Variants in ASXL2 observed in about 807,000 individuals in gnomAD.
ASXL2 encodes ASXL transcriptional regulator 2, also known as putative Polycomb group protein ASXL2.
In ASXL2, 23 loss-of-function variants were observed where a neutral mutation model predicts 122.0. That is an observed-to-expected ratio of 0.19 (90% confidence interval 0.14 to 0.27). The LOEUF (loss-of-function observed/expected upper bound fraction) is 0.27. ASXL2 is among the 10% of genes least tolerant of loss of function. The probability of loss-of-function intolerance (pLI) is 1.00; values close to 1 mark genes in which losing one functional copy is unlikely to be tolerated. For missense variants in ASXL2, 1,518 were observed against 1,713.8 expected (o/e 0.89, Z 2.02); for synonymous variants, 650 against 637.0 (o/e 1.02, Z -0.31).
chr2:25,866,230 A>C (rs2089902846), intron 1 of ASXL2, among the ~76,000 whole-genome samples: 1 of 151,076 alleles, frequency 6.6e-6, no homozygotes. Flanking sequence ...TCCTGGGTTC[A>C]AGCGATTCTC....
chr2:25,815,217 C>T (rs1225987703), intron 3 of ASXL2, among the ~76,000 whole-genome samples: 1 of 152,146 alleles, frequency 6.6e-6, no homozygotes, highest in African/African-American at 2.4e-5. Flanking sequence ...TCATAATGTT[C>T]TTAGTATAAA....
chr2:25,741,917 A>T lies in ASXL2; in HGVS notation c.*112T>A, dbSNP rs1217902298. The T allele has an allele frequency of 9.6e-7, 1 of 1,040,666 alleles. No individual in the cohort carries two copies. The highest frequency in any genetic ancestry group is 1.4e-6 in the Non-Finnish European group (1 of 714,672). The allele number at this position is 1,040,666 out of a possible 1,614,324, so 64.5% of individuals were successfully genotyped here. A position where few individuals can be genotyped will look rare whatever the true frequency, so the allele number is the denominator to read the frequency against. Reference sequence around the variant, plus strand: ...CCTGATTAAGTAACATTTGTCTCTGAAGACAACTGAAACCTACTTGTTTAT... The same window carrying T: ...CCTGATTAAGTAACATTTGTCTCTGTAGACAACTGAAACCTACTTGTTTAT... On this transcript the variant is annotated 3_prime_UTR_variant, in exon 13 of 13. Coordinates refer to ENST00000435504, the MANE Select transcript of ASXL2 (RefSeq NM_018263.6).
At chr2:25,843,814 T>TAAAAAAAAAAAAAAAAAA (rs541446675) in intron 2 of ASXL2, among the ~76,000 whole-genome samples, 15 of 86,498 alleles carry the variant, frequency 1.7e-4, no homozygotes, top group South Asian at 3.8e-4. Flanking sequence ...CTCCATCTCT[T>TAAAAAAAAAAAAAAAAAA]AAAAAAAAAA....
intron 3 of ASXL2, among the ~76,000 whole-genome samples, chr2:25,833,534 A>G (rs974943992): frequency 4.6e-5 from 7 of 152,052 alleles, no homozygotes; most frequent in African/African-American, 1.7e-4. Context: ...ATCTCTATTA[A>G]AAATACAAAA....
At chr2:25,843,328 G>A (rs1383658761) in intron 2 of ASXL2, among the ~76,000 whole-genome samples, 1 of 150,052 alleles carries the variant, frequency 6.7e-6, no homozygotes, top group Non-Finnish European at 1.5e-5. Context: ...AAATAGAGAC[G>A]GGGTTTTACC....
At chr2:25,849,884 G>C (rs2149195443) in intron 1 of ASXL2, among the ~76,000 whole-genome samples, 1 of 152,114 alleles carries the variant, frequency 6.6e-6, no homozygotes, top group Admixed American at 6.5e-5. Flanking sequence ...AATTTTTTCA[G>C]ACTACTTAAA....
At chr2:25,753,746 G>C in intron 10 of ASXL2, 107 bp from the exon 11 acceptor site, 2 of 808,312 alleles carry the variant, frequency 2.5e-6, no homozygotes, top group South Asian at 3.4e-5. Flanking sequence ...ACTACCATGT[G>C]AAAGTAACAG....
At chr2:25,856,107 A>G (rs1345930493) in intron 1 of ASXL2, among the ~76,000 whole-genome samples, 1 of 150,940 alleles carries the variant, frequency 6.6e-6, no homozygotes, top group East Asian at 2.0e-4. Flanking sequence ...GCCAGGCTGG[A>G]GTGCAGCAGT....
intron 4 of ASXL2, among the ~76,000 whole-genome samples, chr2:25,804,579 C>T (rs989265210): frequency 6.6e-6 from 1 of 152,174 alleles, no homozygotes; most frequent in African/African-American, 2.4e-5. Flanking sequence ...GAAGTGGAGA[C>T]ACCAAACCCT....
chr2:25,874,577 G>C (rs1350517213), intron 1 of ASXL2, among the ~76,000 whole-genome samples: 2 of 152,168 alleles, frequency 1.3e-5, no homozygotes, highest in African/African-American at 4.8e-5. Context: ...CTTGAGCCCA[G>C]GAGATGGAAG....
At chr2:25,776,102 T>C (rs1447147685) in intron 5 of ASXL2, among the ~76,000 whole-genome samples, 1 of 152,196 alleles carries the variant, frequency 6.6e-6, no homozygotes, top group East Asian at 1.9e-4. Flanking sequence ...TTCAGTATAT[T>C]CACCAAGTTG....
chr2:25,829,954 G>A (rs78011231), intron 3 of ASXL2, among the ~76,000 whole-genome samples: 2,639 of 152,306 alleles, frequency 0.017, 77 homozygotes, highest in African/African-American at 0.057. Context: ...CCCACAGGCT[G>A]AAGACTCCCT....
At chr2:25,762,313 CAAAAA>C (rs35610577) in intron 8 of ASXL2, among the ~76,000 whole-genome samples, 1 of 107,396 alleles carries the variant, frequency 9.3e-6, no homozygotes, top group African/African-American at 3.6e-5. Context: ...ATGAACACAC[CAAAAA>C]AAAAAAAAAA....
At chr2:25,810,531 C>G in intron 3 of ASXL2, 1 of 733,400 alleles carries the variant, frequency 1.4e-6, no homozygotes, top group Non-Finnish European at 2.5e-6. Context: ...CAGCCTGTTC[C>G]CAGGCGCGCC....
chr2:25,878,195 CCTT>C lies in ASXL2; in HGVS notation c.25_27del (p.Lys9del). ...TTGGCGGCCTCCGCCCAGGTCCTGC[CCTT>C]CTTCCTACGTCCCTTTTCCCTCATG... On this transcript the variant is annotated inframe_deletion, in exon 1 of 13. Coordinates refer to ENST00000435504, the MANE Select transcript of ASXL2 (RefSeq NM_018263.6). 6.2e-7 allele frequency: 1 copy of C among 1,613,914 alleles called. No individual in the cohort carries two copies. The highest frequency in any genetic ancestry group is 8.5e-7 in the Non-Finnish European group (1 of 1,179,874).
chr2:25,873,707 G>A (rs1359764280), intron 1 of ASXL2, among the ~76,000 whole-genome samples: 2 of 148,914 alleles, frequency 1.3e-5, no homozygotes, highest in East Asian at 3.9e-4. Flanking sequence ...CTACACTACA[G>A]GTTATGTTCC....
chr2:25,802,516 C>G (rs2089016287), intron 4 of ASXL2, among the ~76,000 whole-genome samples: 2 of 152,146 alleles, frequency 1.3e-5, no homozygotes, highest in Admixed American at 6.6e-5. Flanking sequence ...TCCCAGCTTC[C>G]AACACAGAGC....
intron 4 of ASXL2, among the ~76,000 whole-genome samples, chr2:25,804,304 C>A (rs2089047020): frequency 6.6e-6 from 1 of 152,192 alleles, no homozygotes. Flanking sequence ...GATAAATTTC[C>A]TTTGGGGAAA....
At chr2:25,756,466 A>AAG (rs1553693590) in intron 9 of ASXL2, among the ~76,000 whole-genome samples, 44 of 80,930 alleles carry the variant, frequency 5.4e-4, no homozygotes, top group African/African-American at 1.0e-3. Flanking sequence ...AAAAAAAAAG[A>AAG]AAAAAAAAAG....
Sources: allele counts gnomAD v4.1 joint callset (sites outside exome capture counted in the v4.1 genomes callset), GRCh38; gene constraint gnomAD v4.1.1; transcripts MANE v1.5; gene names NCBI Gene and HGNC (gene_info 2026-07-23, HGNC 2026-07-21).